FAM120B: variants seen among roughly 807,000 people sequenced by gnomAD.
FAM120B encodes family with sequence similarity 120 member B, also known as constitutive coactivator of peroxisome proliferator-activated receptor gamma.
A neutral mutation model predicts 96.3 loss-of-function variants in FAM120B; 83 were observed. The ratio of observed to expected loss-of-function variants is 0.86; its 90% CI spans 0.72 to 1.03. FAM120B has a LOEUF of 1.03. Among genes scored for constraint, FAM120B ranks in the 50% least tolerant of loss-of-function variants. The pLI, the probability that FAM120B is intolerant of heterozygous loss-of-function variation, is 0.00. For synonymous variants in FAM120B, 407 were observed against 402.7 expected, an observed-to-expected ratio of 1.01 and a Z score of -0.13; for missense variants, 1,027 against 1,121.2, an observed-to-expected ratio of 0.92 and a Z score of 1.20.
intron 1 of FAM120B, among the ~76,000 whole-genome samples, chr6:170,299,713 C>A (rs1784100962): frequency 6.6e-6 from 1 of 152,234 alleles, no homozygotes; most frequent in South Asian, 2.1e-4. Flanking sequence ...TTGGTTGTAA[C>A]AGAACATCCT....
chr6:170,339,819 C>T (rs549457735), intron 4 of FAM120B, among the ~76,000 whole-genome samples: 2 of 151,910 alleles, frequency 1.3e-5, no homozygotes, highest in African/African-American at 4.8e-5. Context: ...ATTGGCCCCC[C>T]ACTCTTTTGC....
intron 4 of FAM120B, among the ~76,000 whole-genome samples, chr6:170,340,505 C>T (rs951338638): frequency 2.6e-5 from 4 of 152,216 alleles, no homozygotes; most frequent in South Asian, 2.1e-4. Context: ...GTTCATGAAA[C>T]TCATTCTCTC....
chr6:170,379,434 T>C (rs960467564), intron 6 of FAM120B, among the ~76,000 whole-genome samples: 1 of 152,224 alleles, frequency 6.6e-6, no homozygotes, highest in African/African-American at 2.4e-5. Flanking sequence ...GCCAAAGTGC[T>C]TGGGACCAGA....
chr6:170,292,886 A>T (rs1361576913), upstream of FAM120B, among the ~76,000 whole-genome samples: 2 of 152,232 alleles, frequency 1.3e-5, no homozygotes, highest in South Asian at 4.1e-4. The surrounding 1 kb of genome is among the most constrained non-coding windows in gnomAD (Gnocchi z 6.6). Flanking sequence ...AGAAACAAGC[A>T]TATGATGTTT....
chr6:170,390,923 G>T lies in FAM120B; in HGVS notation c.2491-90G>T, dbSNP rs539323694. ...CCTCGCCTTGGGAACAGTGTGGAAG[G>T]GTGTCCCCTAAGCTTCCTTCCAGCC... is the stretch of plus-strand genomic sequence containing the variant. On this transcript the variant is annotated intron_variant, in intron 7 of 10. Transcript: ENST00000476287. 6.0e-5 allele frequency: 60 copies of T among 1,001,028 alleles called. No individual in the cohort carries two copies. The African/African-American group carries it at 8.6e-4, about 14-fold the overall frequency. 62.0% of individuals were successfully genotyped at this position (1,001,028 alleles called of 1,614,324 possible).
At chr6:170,322,285 G>A (rs1003966884) in intron 2 of FAM120B, among the ~76,000 whole-genome samples, 1 of 152,208 alleles carries the variant, frequency 6.6e-6, no homozygotes, top group Admixed American at 6.5e-5. Context: ...GCAGCTTACA[G>A]TTTAATAAGG....
intron 6 of FAM120B, among the ~76,000 whole-genome samples, chr6:170,367,914 G>T (rs1352280250): frequency 6.6e-6 from 1 of 152,140 alleles, no homozygotes; most frequent in African/African-American, 2.4e-5. Context: ...ACCTGGATTT[G>T]GGAGTCTGTA....
chr6:170,314,657 C>G (rs1327382383), intron 1 of FAM120B, among the ~76,000 whole-genome samples: 1 of 152,134 alleles, frequency 6.6e-6, no homozygotes, highest in Non-Finnish European at 1.5e-5. Context: ...TGCATATATG[C>G]TCTTAGCAAT....
chr6:170,323,840 A>G (rs937898056), intron 3 of FAM120B, among the ~76,000 whole-genome samples: 2 of 152,212 alleles, frequency 1.3e-5, no homozygotes, highest in African/African-American at 4.8e-5. Flanking sequence ...GGAGAAAGTT[A>G]GTGAAGGTCC....
At chr6:170,398,340 C>G (rs1338066581) in intron 9 of FAM120B, among the ~76,000 whole-genome samples, 1 of 152,086 alleles carries the variant, frequency 6.6e-6, no homozygotes, top group African/African-American at 2.4e-5. Flanking sequence ...TATGTCATAA[C>G]TCTTAGGAGT....
chr6:170,400,499 C>G (rs1778509088), intron 9 of FAM120B, among the ~76,000 whole-genome samples: 1 of 152,102 alleles, frequency 6.6e-6, no homozygotes, highest in African/African-American at 2.4e-5. Context: ...GACTTTGTCT[C>G]AAGCGCTGGT....
intron 9 of FAM120B, among the ~76,000 whole-genome samples, chr6:170,401,637 T>G (rs1778589759): frequency 6.6e-6 from 1 of 152,142 alleles, no homozygotes; most frequent in South Asian, 2.1e-4. Context: ...AAGCTACTGA[T>G]AGGAAGCAGA....
At position 170,370,567 on chromosome 6, in the gene FAM120B, C is replaced by T. The variant is rs1368038721; in HGVS notation, c.2283+12249C>T. 2.6e-5 allele frequency among the ~76,000 whole-genome samples: 4 copies of T among 152,040 alleles called. No individual in the cohort carries two copies. Among genetic ancestry groups the T allele is most frequent in the Admixed American group, 1.3e-4 (2 of 15,262 alleles). On this transcript the variant is annotated intron_variant, in intron 6 of 10. Transcript: ENST00000476287. The surrounding 1 kb of genome is among the most constrained non-coding windows in gnomAD (Gnocchi z 4.3). The stretch of plus-strand genomic sequence containing the variant: ...AAACCTAAACTCAGAAGCCAGAACT[C>T]GGTAATATTACCCTCTGATCCTGTA...
At chr6:170,360,638 C>A (rs1039257887) in intron 6 of FAM120B, among the ~76,000 whole-genome samples, 1 of 152,156 alleles carries the variant, frequency 6.6e-6, no homozygotes, top group African/African-American at 2.4e-5. Flanking sequence ...GCTTCTAGTT[C>A]TGTTCTGTTA....
intron 1 of FAM120B, among the ~76,000 whole-genome samples, chr6:170,299,453 G>T (rs537744607): frequency 6.6e-6 from 1 of 152,154 alleles, no homozygotes; most frequent in Non-Finnish European, 1.5e-5. Context: ...CTTATCAGTT[G>T]TATCAGTCTT....
At chr6:170,376,001 G>A (rs1282237744) in intron 6 of FAM120B, among the ~76,000 whole-genome samples, 1 of 152,194 alleles carries the variant, frequency 6.6e-6, no homozygotes, top group Non-Finnish European at 1.5e-5. Context: ...AGAGAATTCA[G>A]TGAGGAGCCT....
At chr6:170,390,820 C>G (rs548925996) in intron 7 of FAM120B, among the ~76,000 whole-genome samples, 193 bp from the exon 8 acceptor site, 1 of 152,126 alleles carries the variant, frequency 6.6e-6, no homozygotes, top group African/African-American at 2.4e-5. Flanking sequence ...TCTCGAAGAA[C>G]CTCTTGGGAT....
chr6:170,389,853 G>A (rs879397099), intron 7 of FAM120B, among the ~76,000 whole-genome samples: 2 of 151,988 alleles, frequency 1.3e-5, no homozygotes, highest in Non-Finnish European at 1.5e-5. Flanking sequence ...GAGCCACCGC[G>A]ACCAGCCCCT....
At chr6:170,391,356 G>A (rs1790470010) in intron 8 of FAM120B, among the ~76,000 whole-genome samples, 1 of 152,162 alleles carries the variant, frequency 6.6e-6, no homozygotes, top group South Asian at 2.1e-4. Flanking sequence ...CCCACATGGT[G>A]AAACCCCGTC....
Sources: allele counts gnomAD v4.1 joint callset (sites outside exome capture counted in the v4.1 genomes callset), GRCh38; gene constraint gnomAD v4.1.1; non-coding constraint Gnocchi (gnomAD v3.1); transcripts MANE v1.5; gene names NCBI Gene and HGNC (gene_info 2026-07-23, HGNC 2026-07-21).